ERC2: variants seen among roughly 807,000 people sequenced by gnomAD.
ERC2 encodes the protein ELKS/RAB6-interacting/CAST family member 2, also known as ERC protein 2.
ERC2 carries 42 observed loss-of-function variants against 114.8 expected under a neutral mutation model. The observed-to-expected ratio is 0.37, with a 90% CI of 0.29 to 0.47. The LOEUF (loss-of-function observed/expected upper bound fraction) is 0.47, where lower values mean the gene tolerates loss of function less well. ERC2 is among the 20% of genes least tolerant of loss of function. The pLI is 0.99. For missense variants in ERC2, 939 were observed against 1,150.7 expected (o/e 0.82, Z 2.66); for synonymous variants, 454 against 425.5 (o/e 1.07, Z -0.82).
intron 14 of ERC2, among the ~76,000 whole-genome samples, chr3:55,810,770 C>T (rs2059691564): frequency 6.6e-6 from 1 of 152,106 alleles, no homozygotes; most frequent in South Asian, 2.1e-4. Flanking sequence ...TAGAATATCT[C>T]TTAATGAAAA....
intron 5 of ERC2, among the ~76,000 whole-genome samples, chr3:56,147,541 T>A (rs1296788692): frequency 6.6e-6 from 1 of 152,198 alleles, no homozygotes; most frequent in Non-Finnish European, 1.5e-5. Context: ...CCCTATAATT[T>A]GCAAACTCAG....
intron 17 of ERC2, among the ~76,000 whole-genome samples, chr3:55,534,652 C>A (rs537657987): frequency 6.6e-6 from 1 of 151,960 alleles, no homozygotes; most frequent in African/African-American, 2.4e-5. Flanking sequence ...GCTGAGATTA[C>A]GTCACTGCAC....
At chr3:56,116,688 A>G (rs1272371189) in intron 6 of ERC2, among the ~76,000 whole-genome samples, 1 of 152,092 alleles carries the variant, frequency 6.6e-6, no homozygotes, top group African/African-American at 2.4e-5. Context: ...CTGGAATGCC[A>G]TGCCTTCTTC....
intron 17 of ERC2, among the ~76,000 whole-genome samples, chr3:55,585,919 C>G (rs1053938974): frequency 6.6e-6 from 1 of 152,076 alleles, no homozygotes; most frequent in African/African-American, 2.4e-5. Context: ...AACCGCAGAA[C>G]GAAAATCAAA....
At chr3:56,008,563 G>A (rs779236137) in intron 9 of ERC2, among the ~76,000 whole-genome samples, 4 of 152,146 alleles carry the variant, frequency 2.6e-5, no homozygotes, top group African/African-American at 9.7e-5. Context: ...CCCTGCTGAC[G>A]GCAACTGCAT....
intron 3 of ERC2, among the ~76,000 whole-genome samples, chr3:56,258,212 G>A (rs2150251879): frequency 6.6e-6 from 1 of 152,224 alleles, no homozygotes; most frequent in South Asian, 2.1e-4. Context: ...CTAGACTAGG[G>A]ATTGGTAAAT....
intron 5 of ERC2, among the ~76,000 whole-genome samples, chr3:56,147,327 A>G (rs930008817): frequency 6.6e-6 from 1 of 152,232 alleles, no homozygotes; most frequent in Non-Finnish European, 1.5e-5. Context: ...GTCCCTGGTT[A>G]CATTCAAATC....
At chr3:55,639,929 A>G (rs1442330785) in intron 17 of ERC2, among the ~76,000 whole-genome samples, 1 of 152,198 alleles carries the variant, frequency 6.6e-6, no homozygotes, top group Non-Finnish European at 1.5e-5. Flanking sequence ...AGGTGGTGCG[A>G]CACTCAAAGT....
intron 17 of ERC2, among the ~76,000 whole-genome samples, chr3:55,651,635 A>G (rs1393058091): frequency 6.6e-6 from 1 of 152,174 alleles, no homozygotes; most frequent in Non-Finnish European, 1.5e-5. Context: ...CTGGTTTTGA[A>G]TATGTGGCTC....
chr3:56,377,955 T>C (rs868421980), intron 2 of ERC2, among the ~76,000 whole-genome samples: 1 of 152,218 alleles, frequency 6.6e-6, no homozygotes, highest in African/African-American at 2.4e-5. Flanking sequence ...TGGAAGATTT[T>C]GCATGCATGT....
chr3:56,386,374 C>T (rs1256394381), intron 2 of ERC2, among the ~76,000 whole-genome samples: 2 of 152,150 alleles, frequency 1.3e-5, no homozygotes, highest in African/African-American at 2.4e-5. Context: ...TTATGGAGAT[C>T]AGTTCTGATT....
chr3:55,969,208 G>A (rs901884544), intron 12 of ERC2, among the ~76,000 whole-genome samples: 6 of 152,186 alleles, frequency 3.9e-5, no homozygotes, highest in Admixed American at 2.0e-4. Context: ...AAAATTAAAG[G>A]TAAAATGGAC....
chr3:55,948,845 A>C (rs1238768772), intron 13 of ERC2, among the ~76,000 whole-genome samples: 3 of 152,226 alleles, frequency 2.0e-5, no homozygotes, highest in Non-Finnish European at 4.4e-5. Flanking sequence ...GCATATAGTA[A>C]ACAAATCGTT....
At chr3:55,929,125 C>A (rs915803345) in intron 13 of ERC2, among the ~76,000 whole-genome samples, 1 of 152,096 alleles carries the variant, frequency 6.6e-6, no homozygotes, top group Non-Finnish European at 1.5e-5. Flanking sequence ...CCAGTTTGAA[C>A]CTTCTCTCAA....
At chr3:55,793,063 CTTATT>C (rs540238369) in intron 14 of ERC2, among the ~76,000 whole-genome samples, 1 of 152,034 alleles carries the variant, frequency 6.6e-6, no homozygotes, top group Admixed American at 6.6e-5. Context: ...AATTTATTTA[CTTATT>C]TTATTTTATT....
intron 2 of ERC2, among the ~76,000 whole-genome samples, chr3:56,406,815 C>A (rs933222971): frequency 1.3e-5 from 2 of 151,982 alleles, no homozygotes; most frequent in Non-Finnish European, 2.9e-5. Context: ...GTTATACAGA[C>A]CAAGAGAAAA....
intron 2 of ERC2, among the ~76,000 whole-genome samples, chr3:56,373,889 T>A (rs554467413): frequency 6.6e-5 from 10 of 152,348 alleles, no homozygotes; most frequent in African/African-American, 1.7e-4. Context: ...TGGGTTTTTT[T>A]AAACCCCATT....
intron 17 of ERC2, among the ~76,000 whole-genome samples, chr3:55,565,106 C>A (rs1354226147): frequency 6.6e-6 from 1 of 152,132 alleles, no homozygotes; most frequent in Non-Finnish European, 1.5e-5. Flanking sequence ...ACCCTGATGA[C>A]ATTGTAACAC....
At chr3:55,699,294 A>G (rs2063100941) in intron 16 of ERC2, 84 bp downstream of exon 16, 9 of 1,534,070 alleles carry the variant, frequency 5.9e-6, no homozygotes, top group Non-Finnish European at 8.1e-6. Context: ...TATGATGTTT[A>G]TTATTTCTTG....
Sources: allele counts gnomAD v4.1 joint callset (sites outside exome capture counted in the v4.1 genomes callset), GRCh38; gene constraint gnomAD v4.1.1; transcripts MANE v1.5; gene names NCBI Gene and HGNC (gene_info 2026-07-23, HGNC 2026-07-21).